GLDC: variants seen among roughly 807,000 people sequenced by gnomAD.
GLDC encodes the protein glycine decarboxylase.
Under a neutral mutation model 121.3 loss-of-function variants are expected in GLDC, and 104 were observed. The observed-to-expected ratio is 0.86, with a 90% CI of 0.73 to 1.01. GLDC has a LOEUF of 1.01. Among genes scored for constraint, GLDC ranks in the 50% least tolerant of loss-of-function variants. The pLI is 0.00. For synonymous variants in GLDC, 546 were observed against 480.6 expected, an observed-to-expected ratio of 1.14 and a Z score of -1.78; for missense variants, 1,429 against 1,306.6, an observed-to-expected ratio of 1.09 and a Z score of -1.44.
At chr9:6,557,198 G>C (rs1027951387) in intron 17 of GLDC, among the ~76,000 whole-genome samples, 6 of 151,994 alleles carry the variant, frequency 3.9e-5, no homozygotes, top group Admixed American at 1.3e-4. Context: ...ACATGCTTGA[G>C]ATGATGGATA....
At chr9:6,570,302 T>C (rs1817934515) in intron 15 of GLDC, among the ~76,000 whole-genome samples, 1 of 152,336 alleles carries the variant, frequency 6.6e-6, no homozygotes, top group African/African-American at 2.4e-5. Context: ...AAGACCACGC[T>C]GTGGATTCTA....
At chr9:6,610,041 GT>G in intron 4 of GLDC, 150 bp downstream of exon 4, 1 of 669,154 alleles carries the variant, frequency 1.5e-6, no homozygotes, top group Non-Finnish European at 2.6e-6. Context: ...CAACCTCTAG[GT>G]TTTTGAACCT....
chr9:6,638,183 C>T (rs1240381876), intron 2 of GLDC, among the ~76,000 whole-genome samples: 1 of 151,722 alleles, frequency 6.6e-6, no homozygotes, highest in Non-Finnish European at 1.5e-5. Context: ...AGTGAAGGTA[C>T]TGCCTTTGCT....
intron 17 of GLDC, chr9:6,558,063 G>T: frequency 4.6e-6 from 1 of 219,160 alleles, no homozygotes; most frequent in Non-Finnish European, 9.1e-6. Context: ...CCGCTGGTGG[G>T]AAGCAGATAC....
chr9:6,569,918 G>A (rs1005703977), intron 15 of GLDC, among the ~76,000 whole-genome samples: 9 of 152,074 alleles, frequency 5.9e-5, no homozygotes, highest in African/African-American at 9.7e-5. Flanking sequence ...GGAGGCTGCA[G>A]TGATGTAAGA....
Position 6,540,115 on chromosome 9 carries a change from C to G in GLDC, c.2601G>C (p.Thr867=), listed in dbSNP as rs371678175. 6.2e-7 allele frequency: 1 copy of G among 1,612,930 alleles called. No individual in the cohort carries two copies. Among genetic ancestry groups the G allele is most frequent in the Non-Finnish European group, 8.5e-7 (1 of 1,178,950 alleles). The change falls in exon 22 of 25, where the codon ACG becomes ACC. Residue 867 remains threonine (T), a synonymous_variant. Transcript: ENST00000321612. The part of the protein sequence containing the change: ...GYVGHEFILD[T]RPFKKSANIE... ...TATTTGCAGACTTTTTGAAGGGTCTCGTGTCCAAAATAAATTCATGACCCA... is the reference window on the plus strand; with the variant it reads ...TATTTGCAGACTTTTTGAAGGGTCTGGTGTCCAAAATAAATTCATGACCCA...
At chr9:6,620,159 G>C (rs374317469) in intron 3 of GLDC, 25 bp downstream of exon 3, 7 of 1,609,326 alleles carry the variant, frequency 4.3e-6, no homozygotes, top group Admixed American at 1.7e-5. Flanking sequence ...CAGTCATCCT[G>C]TTCCTGAACT....
At chr9:6,616,305 T>G (rs1473234200) in intron 3 of GLDC, among the ~76,000 whole-genome samples, 2 of 152,238 alleles carry the variant, frequency 1.3e-5, no homozygotes, top group Non-Finnish European at 2.9e-5. Flanking sequence ...ATGTAATATT[T>G]CTCTCTCAAT....
At chr9:6,619,531 C>T (rs1044792964) in intron 3 of GLDC, among the ~76,000 whole-genome samples, 5 of 152,076 alleles carry the variant, frequency 3.3e-5, no homozygotes, top group Non-Finnish European at 7.4e-5. Flanking sequence ...AGTTCGAGAC[C>T]AGCCTGGCCA....
At chr9:6,625,544 C>T (rs1013236768) in intron 2 of GLDC, among the ~76,000 whole-genome samples, 7 of 152,124 alleles carry the variant, frequency 4.6e-5, no homozygotes, top group Non-Finnish European at 7.4e-5. Flanking sequence ...TTCCTCATAC[C>T]CAGCCCCAGG....
At chr9:6,633,256 G>C (rs1819428936) in intron 2 of GLDC, among the ~76,000 whole-genome samples, 2 of 152,060 alleles carry the variant, frequency 1.3e-5, no homozygotes, top group African/African-American at 4.8e-5. Context: ...CTTCATCTCA[G>C]ACTGCCCTGC....
intron 8 of GLDC, among the ~76,000 whole-genome samples, chr9:6,601,451 T>C (rs1818608931): frequency 6.6e-6 from 1 of 152,232 alleles, no homozygotes; most frequent in Non-Finnish European, 1.5e-5. Flanking sequence ...TTTTTTGTCC[T>C]TTCTTACGCT....
rs1818401191 is a variant in GLDC at position 6,592,797 on chromosome 9, A to G, written c.1401+54T>C. 2.0e-6 allele frequency: 3 copies of G among 1,529,616 alleles called. No homozygotes were observed. In the African/African-American group the frequency reaches 4.1e-5, roughly 21 times the overall value. The allele number at this position is 1,529,616 out of a possible 1,614,324, so 94.8% of individuals were successfully genotyped here. A position where few individuals can be genotyped will look rare whatever the true frequency, so the allele number is the denominator to read the frequency against. On this transcript the variant is annotated intron_variant, in intron 10 of 24. Transcript: ENST00000321612. ...AAAACAAAGAGAAAACCTTTTAATG[A>G]GAAACAATGTGAAAATTTGAAAAAC...
intron 15 of GLDC, among the ~76,000 whole-genome samples, chr9:6,580,493 C>T (rs1818152640): frequency 1.3e-5 from 2 of 152,166 alleles, no homozygotes; most frequent in Non-Finnish European, 2.9e-5. Flanking sequence ...AGATGTAGGG[C>T]TCAGCATACC....
Position 6,645,598 on chromosome 9 carries a change from T to G in GLDC, c.-99A>C. ...CCCCGGGTGGCGGCTGCGCCCGGCC[T>G]GGAGCCCCTTTCGCTGGACAGTCGG... On this transcript the variant is annotated 5_prime_UTR_variant, in exon 1 of 25. Transcript: ENST00000321612. 4 of 871,696 alleles carry G rather than the reference T, an allele frequency of 4.6e-6. No individual in the cohort carries two copies. Among genetic ancestry groups the G allele is most frequent in the East Asian group, 4.6e-5 (1 of 21,948 alleles). 54.0% of individuals were successfully genotyped at this position (871,696 alleles called of 1,614,324 possible). A position where few individuals can be genotyped will look rare whatever the true frequency, so the allele number is the denominator to read the frequency against.
chr9:6,606,867 G>C (rs1443072815), intron 4 of GLDC, among the ~76,000 whole-genome samples, 198 bp from the exon 5 acceptor site: 2 of 152,024 alleles, frequency 1.3e-5, no homozygotes, highest in African/African-American at 4.8e-5. Flanking sequence ...GAGGTCAGGA[G>C]TTCGAGACCA....
At chr9:6,631,026 C>T (rs926300983) in intron 2 of GLDC, among the ~76,000 whole-genome samples, 11 of 152,192 alleles carry the variant, frequency 7.2e-5, no homozygotes, top group African/African-American at 2.7e-4. Flanking sequence ...ATACGCTACG[C>T]TCTGCACAGC....
intron 17 of GLDC, 77 bp downstream of exon 17, chr9:6,558,482 A>G (rs1817680775): frequency 1.3e-6 from 2 of 1,500,832 alleles, no homozygotes; most frequent in Non-Finnish European, 1.9e-6. Flanking sequence ...AGACATTTAC[A>G]TAATCCATCA....
chr9:6,630,132 C>G (rs1470374720), intron 2 of GLDC, among the ~76,000 whole-genome samples: 1 of 150,712 alleles, frequency 6.6e-6, no homozygotes, highest in East Asian at 1.9e-4. Context: ...GAACAATGTG[C>G]CTATATTGTG....
Sources: allele counts gnomAD v4.1 joint callset (sites outside exome capture counted in the v4.1 genomes callset), GRCh38; gene constraint gnomAD v4.1.1; transcripts MANE v1.5; gene names NCBI Gene and HGNC (gene_info 2026-07-23, HGNC 2026-07-21).